ADGRL2: variants seen among roughly 807,000 people sequenced by gnomAD.
ADGRL2 encodes adhesion G protein-coupled receptor L2.
Under a neutral mutation model 157.4 loss-of-function variants are expected in ADGRL2, and 44 were observed. The observed-to-expected ratio is 0.28, with a 90% CI of 0.22 to 0.36. The LOEUF (loss-of-function observed/expected upper bound fraction) is 0.36, where lower values mean the gene tolerates loss of function less well. ADGRL2 is among the 10% of genes least tolerant of loss of function. The pLI is 1.00. For synonymous variants in ADGRL2, 585 were observed against 624.7 expected (o/e 0.94, Z 0.95); for missense variants, 1,510 against 1,768.9 (o/e 0.85, Z 2.63).
intron 1 of ADGRL2, among the ~76,000 whole-genome samples, chr1:81,725,296 T>G (rs2084483423): frequency 6.6e-6 from 1 of 151,194 alleles, no homozygotes; most frequent in Admixed American, 6.6e-5. Flanking sequence ...TCCCAGCACT[T>G]TGGGAGGCCG....
chr1:81,572,233 G>A (rs1456448425), intron 2 of ADGRL2, among the ~76,000 whole-genome samples: 5 of 152,086 alleles, frequency 3.3e-5, no homozygotes, highest in Non-Finnish European at 7.4e-5. Flanking sequence ...TTGAGGCCAA[G>A]CATTATATTT....
intron 3 of ADGRL2, among the ~76,000 whole-genome samples, chr1:81,932,313 T>C (rs2095245155): frequency 6.6e-6 from 1 of 152,198 alleles, no homozygotes; most frequent in Admixed American, 6.5e-5. Context: ...ATTTCAATTC[T>C]CCATGTTAAG....
intron 1 of ADGRL2, among the ~76,000 whole-genome samples, chr1:81,825,583 G>A (rs1043960085): frequency 6.9e-6 from 1 of 144,894 alleles, no homozygotes; most frequent in Non-Finnish European, 1.5e-5. Flanking sequence ...CTTACCTTGT[G>A]ATCTGCCCAT....
At chr1:81,817,872 T>A (rs1036722427) in intron 1 of ADGRL2, among the ~76,000 whole-genome samples, 9 of 152,202 alleles carry the variant, frequency 5.9e-5, no homozygotes, top group Non-Finnish European at 8.8e-5. Flanking sequence ...GCTATGTGAA[T>A]GATTTCTTTT....
intron 1 of ADGRL2, among the ~76,000 whole-genome samples, chr1:81,328,338 C>A (rs1401030156): frequency 1.3e-5 from 2 of 152,090 alleles, no homozygotes; most frequent in East Asian, 1.9e-4. Context: ...TCTTCCTTGA[C>A]ACCAGAAGAG....
intron 2 of ADGRL2, among the ~76,000 whole-genome samples, chr1:81,566,589 A>G (rs1384342374): frequency 6.6e-6 from 1 of 152,132 alleles, no homozygotes; most frequent in African/African-American, 2.4e-5. Context: ...AAATCATCAT[A>G]TAGGCAATAT....
intron 1 of ADGRL2, among the ~76,000 whole-genome samples, chr1:81,720,387 C>T (rs936125320): frequency 2.0e-5 from 3 of 151,982 alleles, no homozygotes. Flanking sequence ...TCAGGCTGGT[C>T]TCAAACTCCT....
intron 3 of ADGRL2, among the ~76,000 whole-genome samples, chr1:81,911,308 A>G (rs976642432): frequency 6.6e-6 from 1 of 152,048 alleles, no homozygotes; most frequent in African/African-American, 2.4e-5. Context: ...CTCTTTAAAG[A>G]TAATTGTTGG....
chr1:81,819,133 C>G (rs1450610303), intron 1 of ADGRL2, among the ~76,000 whole-genome samples: 3 of 152,040 alleles, frequency 2.0e-5, no homozygotes, highest in Non-Finnish European at 4.4e-5. Flanking sequence ...ATCCAATGAA[C>G]TAGAGTGGGG....
intron 1 of ADGRL2, among the ~76,000 whole-genome samples, chr1:81,742,720 T>A (rs2085112486): frequency 6.6e-6 from 1 of 152,040 alleles, no homozygotes; most frequent in Non-Finnish European, 1.5e-5. Context: ...AAGTTTATGA[T>A]ATGAATGAAT....
intron 3 of ADGRL2, 23 bp downstream of exon 3, chr1:81,907,253 C>A: frequency 6.4e-7 from 1 of 1,574,646 alleles, no homozygotes; most frequent in African/African-American, 1.3e-5. Flanking sequence ...GTGTTAATGT[C>A]CCATTTGAGC....
intron 1 of ADGRL2, among the ~76,000 whole-genome samples, chr1:81,425,600 G>T (rs1359419804): frequency 6.6e-6 from 1 of 152,062 alleles, no homozygotes; most frequent in African/African-American, 2.4e-5. Flanking sequence ...AGAAAGCAAG[G>T]GACAAGGAAA....
intron 1 of ADGRL2, chr1:81,426,703 C>CTCTTGTGT (rs1451221202): frequency 6.3e-6 from 3 of 473,344 alleles, no homozygotes; most frequent in African/African-American, 2.0e-5. Context: ...TTGTGACTTA[C>CTCTTGTGT]TCTTGTGTTG....
At chr1:81,780,350 G>A (rs1272594190) in intron 2 of ADGRL2, among the ~76,000 whole-genome samples, 1 of 152,092 alleles carries the variant, frequency 6.6e-6, no homozygotes, top group Non-Finnish European at 1.5e-5. Context: ...ATGGAAGGTG[G>A]ATTCTATTCC....
chr1:81,453,593 T>C (rs2077743063), intron 2 of ADGRL2, among the ~76,000 whole-genome samples: 1 of 152,202 alleles, frequency 6.6e-6, no homozygotes, highest in African/African-American at 2.4e-5. Context: ...TCTCTGTCTA[T>C]AAAACTTTAT....
chr1:81,623,949 G>T (rs775186898), intron 3 of ADGRL2, among the ~76,000 whole-genome samples: 5 of 151,954 alleles, frequency 3.3e-5, no homozygotes, highest in South Asian at 4.2e-4. Context: ...TCTTTCTAAG[G>T]TGGGGACTGA....
intron 1 of ADGRL2, chr1:81,721,745 G>A (rs1396371278): frequency 7.0e-7 from 1 of 1,428,758 alleles, no homozygotes; most frequent in Non-Finnish European, 9.7e-7. Context: ...GTGTAAGCAG[G>A]ATCCGAGCAT....
At chr1:81,428,056 G>T (rs1376579035) in intron 1 of ADGRL2, among the ~76,000 whole-genome samples, 2 of 152,074 alleles carry the variant, frequency 1.3e-5, no homozygotes, top group African/African-American at 4.8e-5. Context: ...AGTTTTGAAG[G>T]TGTTTCCTTG....
intron 1 of ADGRL2, among the ~76,000 whole-genome samples, chr1:81,391,154 G>T (rs1402831707): frequency 6.6e-6 from 1 of 152,302 alleles, no homozygotes; most frequent in African/African-American, 2.4e-5. Context: ...GCCCTTATCT[G>T]AAACTCACCA....
Sources: allele counts gnomAD v4.1 joint callset (sites outside exome capture counted in the v4.1 genomes callset), GRCh38; gene constraint gnomAD v4.1.1; transcripts MANE v1.5; gene names NCBI Gene and HGNC (gene_info 2026-07-23, HGNC 2026-07-21).